RERE: variants seen among roughly 807,000 people sequenced by gnomAD.
RERE encodes the protein arginine-glutamic acid dipeptide repeats, also known as arginine-glutamic acid dipeptide repeats protein.
A neutral mutation model predicts 146.1 loss-of-function variants in RERE; 40 were observed. The observed-to-expected ratio is 0.27, with a 90% CI of 0.21 to 0.36. The LOEUF (loss-of-function observed/expected upper bound fraction) is 0.36. RERE is among the 10% of genes least tolerant of loss of function. The pLI is 1.00. For synonymous variants in RERE, 1,003 were observed against 866.0 expected, an observed-to-expected ratio of 1.16 and a Z score of -2.78; for missense variants, 1,933 against 2,138.7, an observed-to-expected ratio of 0.90 and a Z score of 1.90.
chr1:8,470,431 T>G (rs1417386226), intron 10 of RERE, among the ~76,000 whole-genome samples: 1 of 151,768 alleles, frequency 6.6e-6, no homozygotes, highest in Admixed American at 6.6e-5. Context: ...CCGGCTAATT[T>G]TTTGTATTTT....
chr1:8,374,081 G>C (rs571431223), intron 12 of RERE, among the ~76,000 whole-genome samples: 1 of 152,234 alleles, frequency 6.6e-6, no homozygotes, highest in South Asian at 2.1e-4. Flanking sequence ...ACGCAGAGAA[G>C]TGGAATTCTG....
intron 11 of RERE, among the ~76,000 whole-genome samples, chr1:8,458,781 G>C (rs1209820994): frequency 6.6e-6 from 1 of 152,190 alleles, no homozygotes; most frequent in Non-Finnish European, 1.5e-5. Flanking sequence ...TAAAGAGGAA[G>C]CCTAGAAAGT....
Position 8,675,495 on chromosome 1 carries a change from CAAAAAAA to C in RERE, c.-144-19061_-144-19055del, listed in dbSNP as rs56912804. Among the ~76,000 whole-genome samples the C allele has an allele frequency of 9.6e-4, 87 of 90,200 alleles. 1 individual carries two copies. The highest frequency in any genetic ancestry group is 1.7e-3 in the Admixed American group (13 of 7,458). The allele number at this position is 90,200 out of a possible 152,430, so 59.2% of individuals were successfully genotyped here. The stretch of plus-strand genomic sequence containing the variant: ...GCAACGTCGCAAAACCCCATCTCTA[CAAAAAAA>C]AAAAAAAAAAAAAATACAAAAATTA... On this transcript the variant is annotated intron_variant, in intron 1 of 22. Coordinates refer to ENST00000400908, the MANE Select transcript of RERE (RefSeq NM_001042681.2).
At chr1:8,488,086 C>CAAAA (rs61502634) in intron 10 of RERE, among the ~76,000 whole-genome samples, 6 of 126,114 alleles carry the variant, frequency 4.8e-5, no homozygotes, top group Non-Finnish European at 8.3e-5. Flanking sequence ...TTTTTTTAAT[C>CAAAA]AAAAAAAAAA....
intron 12 of RERE, among the ~76,000 whole-genome samples, chr1:8,382,093 A>C (rs1440225527): frequency 6.6e-6 from 1 of 152,276 alleles, no homozygotes; most frequent in African/African-American, 2.4e-5. Flanking sequence ...GCTCAAAAGC[A>C]GGAGAAAGTG....
At chr1:8,552,265 T>C (rs1448828368) in intron 6 of RERE, among the ~76,000 whole-genome samples, 3 of 152,332 alleles carry the variant, frequency 2.0e-5, no homozygotes, top group African/African-American at 7.2e-5. Flanking sequence ...TAGCACCAGC[T>C]TGAAAGCAAA....
intron 1 of RERE, among the ~76,000 whole-genome samples, chr1:8,805,008 G>GTTTTTTTTTTTTT (rs1186832596): frequency 3.9e-5 from 3 of 77,836 alleles, no homozygotes; most frequent in African/African-American, 5.1e-5. Context: ...TTTGTTTTTG[G>GTTTTTTTTTTTTT]TTTTTTTTTT....
chr1:8,701,939 T>C (rs762896171), intron 1 of RERE, among the ~76,000 whole-genome samples: 19 of 152,116 alleles, frequency 1.2e-4, no homozygotes, highest in Non-Finnish European at 2.4e-4. Context: ...GTCTAACACA[T>C]GCATAAAAAT....
chr1:8,587,075 C>T (rs1349648758), intron 4 of RERE, among the ~76,000 whole-genome samples: 1 of 152,222 alleles, frequency 6.6e-6, no homozygotes, highest in Admixed American at 6.5e-5. Flanking sequence ...CCTTCCCAGC[C>T]TCTAGGTCTG....
intron 7 of RERE, among the ~76,000 whole-genome samples, chr1:8,530,334 T>C (rs1322944405): frequency 1.3e-5 from 2 of 152,204 alleles, no homozygotes; most frequent in African/African-American, 4.8e-5. Flanking sequence ...TTGTCCACTA[T>C]AATACTTAAA....
intron 1 of RERE, among the ~76,000 whole-genome samples, chr1:8,677,496 C>T (rs1477636616): frequency 6.6e-6 from 1 of 150,460 alleles, no homozygotes; most frequent in Non-Finnish European, 1.5e-5. Flanking sequence ...CCAACCCATG[C>T]CATGCCATTC....
At chr1:8,462,035 G>A (rs1405155238) in intron 11 of RERE, among the ~76,000 whole-genome samples, 2 of 152,080 alleles carry the variant, frequency 1.3e-5, no homozygotes, top group Middle Eastern at 3.4e-3. Flanking sequence ...TAATTTTTTT[G>A]TGGAGACAAG....
chr1:8,557,278 T>C (rs1646019140), intron 5 of RERE, 140 bp downstream of exon 5: 3 of 608,248 alleles, frequency 4.9e-6, no homozygotes, highest in Admixed American at 2.6e-5. Flanking sequence ...TGGTAGCCAA[T>C]GTGAATCATC....
intron 2 of RERE, among the ~76,000 whole-genome samples, chr1:8,627,106 T>TA (rs1646982210): frequency 6.6e-6 from 1 of 152,194 alleles, no homozygotes; most frequent in African/African-American, 2.4e-5. Flanking sequence ...ACCTTAGAAT[T>TA]AGTTATCAGT....
At chr1:8,568,400 G>C (rs1158958455) in intron 4 of RERE, among the ~76,000 whole-genome samples, 1 of 152,180 alleles carries the variant, frequency 6.6e-6, no homozygotes, top group Non-Finnish European at 1.5e-5. Flanking sequence ...TGGTCTAAAT[G>C]TTTGTCACCC....
intron 12 of RERE, among the ~76,000 whole-genome samples, chr1:8,411,708 T>C (rs1279395355): frequency 3.3e-5 from 5 of 152,206 alleles, no homozygotes; most frequent in Non-Finnish European, 5.9e-5. Flanking sequence ...ATAATATTTA[T>C]AGTTTTAAGC....
chr1:8,804,392 A>G (rs1158122607), intron 1 of RERE, among the ~76,000 whole-genome samples: 1 of 152,228 alleles, frequency 6.6e-6, no homozygotes, highest in East Asian at 1.9e-4. Flanking sequence ...CTGAAGGATT[A>G]CAATAATACT....
chr1:8,442,830 C>T (rs750836352), intron 11 of RERE, among the ~76,000 whole-genome samples: 1 of 152,116 alleles, frequency 6.6e-6, no homozygotes, highest in Non-Finnish European at 1.5e-5. Context: ...GACAGTGATA[C>T]GGACAGTGAA....
chr1:8,402,015 C>G (rs915645933), intron 12 of RERE, among the ~76,000 whole-genome samples: 1 of 152,078 alleles, frequency 6.6e-6, no homozygotes, highest in South Asian at 2.1e-4. Flanking sequence ...GGGCTACAGG[C>G]GTGCGCCACC....
Sources: gnomAD v4.1 joint callset for allele counts (sites outside exome capture counted in the v4.1 genomes callset) on GRCh38, gnomAD v4.1.1 for gene constraint, MANE v1.5 for transcripts, NCBI Gene and HGNC (gene_info 2026-07-23, HGNC 2026-07-21) for gene names.